USP45: variants seen among roughly 807,000 people sequenced by gnomAD.
USP45 encodes the protein ubiquitin specific peptidase 45.
USP45 carries 89 observed loss-of-function variants against 95.8 expected under a neutral mutation model. The ratio of observed to expected loss-of-function variants is 0.93; its 90% CI spans 0.78 to 1.11. The LOEUF (loss-of-function observed/expected upper bound fraction) is 1.11, where lower values mean the gene tolerates loss of function less well. USP45 is among the 50% of genes least tolerant of loss of function. The pLI is 0.00. For missense variants in USP45, 898 were observed against 942.5 expected (o/e 0.95, Z 0.62); for synonymous variants, 281 against 316.2 (o/e 0.89, Z 1.18).
At chr6:99,452,059 G>C (rs1391691948) in intron 13 of USP45, among the ~76,000 whole-genome samples, 3 of 152,072 alleles carry the variant, frequency 2.0e-5, no homozygotes, top group South Asian at 2.1e-4. Flanking sequence ...ACATGTTAGA[G>C]CTAAAACCAT....
intron 5 of USP45, among the ~76,000 whole-genome samples, chr6:99,494,714 T>A (rs939091465): frequency 1.3e-5 from 2 of 152,024 alleles, no homozygotes; most frequent in African/African-American, 4.8e-5. Context: ...GCCAACATGG[T>A]GAAACCTCGT....
intron 10 of USP45, among the ~76,000 whole-genome samples, chr6:99,467,480 C>T (rs1293094863): frequency 6.6e-6 from 1 of 151,858 alleles, no homozygotes; most frequent in African/African-American, 2.4e-5. Context: ...TTTTTTGAGC[C>T]TCTATCTTCA....
chr6:99,443,365 T>C (rs533938838), intron 15 of USP45, among the ~76,000 whole-genome samples, 200 bp downstream of exon 15: 1 of 152,326 alleles, frequency 6.6e-6, no homozygotes, highest in African/African-American at 2.4e-5. Flanking sequence ...GCTGCCTAAA[T>C]TTTCAAATAT....
At chr6:99,476,367 G>A in intron 8 of USP45, 137 bp from the exon 9 acceptor site, 1 of 776,438 alleles carries the variant, frequency 1.3e-6, no homozygotes, top group South Asian at 1.8e-5. Context: ...CCAGCATTTG[G>A]GAGGCCAAGG....
chr6:99,480,063 A>G (rs549903436), intron 8 of USP45, among the ~76,000 whole-genome samples: 2 of 152,228 alleles, frequency 1.3e-5, no homozygotes, highest in Non-Finnish European at 2.9e-5. Flanking sequence ...GTAGCAAGAA[A>G]CAAGGTCAAC....
intron 13 of USP45, chr6:99,461,787 C>G (rs1487700530): frequency 1.0e-6 from 1 of 982,206 alleles, no homozygotes; most frequent in African/African-American, 1.7e-5. Flanking sequence ...GCTTCTATTA[C>G]TGTAAGAGAT....
At chr6:99,454,607 T>A (rs542988552) in intron 13 of USP45, among the ~76,000 whole-genome samples, 1 of 152,132 alleles carries the variant, frequency 6.6e-6, no homozygotes, top group African/African-American at 2.4e-5. Context: ...AAGAGGTATA[T>A]GAAAAAAATG....
chr6:99,464,505 A>C, intron 13 of USP45, 99 bp downstream of exon 13: 1 of 1,334,276 alleles, frequency 7.5e-7, no homozygotes, highest in Non-Finnish European at 1.0e-6. Context: ...TGGGTACATG[A>C]GAGTTTATTA....
chr6:99,436,385 CTAATT>C (rs1383833699), intron 17 of USP45, among the ~76,000 whole-genome samples: 1 of 151,224 alleles, frequency 6.6e-6, no homozygotes, highest in African/African-American at 2.4e-5. Context: ...AACCCCGTCT[CTAATT>C]TAAAAAACAA....
At chr6:99,514,942 G>C (rs1187634907) in intron 1 of USP45, 1 of 152,226 alleles carries the variant, frequency 6.6e-6, no homozygotes, top group Non-Finnish European at 1.5e-5. Flanking sequence ...CCCAAAGCCA[G>C]TAAGCGGTGG....
upstream of USP45, chr6:99,515,431 C>T (rs887964357): frequency 6.6e-6 from 1 of 152,286 alleles, no homozygotes; most frequent in African/African-American, 2.4e-5. Context: ...CCTGGGGAGA[C>T]TGCGCCTGCG....
chr6:99,476,572 T>A (rs1249412104), intron 8 of USP45, among the ~76,000 whole-genome samples: 1 of 152,228 alleles, frequency 6.6e-6, no homozygotes, highest in Non-Finnish European at 1.5e-5. Flanking sequence ...AATATGGCTA[T>A]CATTTATTAA....
chr6:99,493,039 TTTTC>T (rs1224526931), intron 5 of USP45, among the ~76,000 whole-genome samples: 1 of 152,150 alleles, frequency 6.6e-6, no homozygotes, highest in Non-Finnish European at 1.5e-5. Context: ...AATTTTTTTT[TTTTC>T]TTTGAGACGG....
intron 7 of USP45, among the ~76,000 whole-genome samples, chr6:99,484,789 C>CAA (rs754506826): frequency 1.6e-4 from 14 of 88,882 alleles, no homozygotes; most frequent in Admixed American, 2.4e-4. Context: ...AGACTGTCTC[C>CAA]AAAAAAAAAA....
chr6:99,504,785 G>C (rs1205262519), intron 4 of USP45, among the ~76,000 whole-genome samples: 2 of 152,124 alleles, frequency 1.3e-5, no homozygotes, highest in African/African-American at 4.8e-5. Flanking sequence ...GAGGTGAGAG[G>C]ACCACTACTT....
At chr6:99,459,839 CT>C (rs1785988406) in intron 13 of USP45, among the ~76,000 whole-genome samples, 1 of 152,100 alleles carries the variant, frequency 6.6e-6, no homozygotes, top group Admixed American at 6.6e-5. Flanking sequence ...ATTGCCCTGT[CT>C]GCAATGTGGA....
intron 9 of USP45, among the ~76,000 whole-genome samples, chr6:99,471,767 A>T (rs1359288145): frequency 6.6e-6 from 1 of 152,194 alleles, no homozygotes; most frequent in Non-Finnish European, 1.5e-5. Context: ...TGGCAGACAT[A>T]ACACTGTAGC....
chr6:99,436,119 A>G (rs923131514), intron 17 of USP45, among the ~76,000 whole-genome samples: 9 of 151,966 alleles, frequency 5.9e-5, no homozygotes, highest in Non-Finnish European at 1.0e-4. Flanking sequence ...TGTCATCTAC[A>G]TTACGTATTT....
At chr6:99,468,292 C>T (rs532880642) in intron 10 of USP45, 11 of 522,128 alleles carry the variant, frequency 2.1e-5, no homozygotes, top group South Asian at 1.8e-4. Context: ...TAGAAGACCT[C>T]ACATAAAGGT....
Sources: gnomAD v4.1 joint callset for allele counts (sites outside exome capture counted in the v4.1 genomes callset) on GRCh38, gnomAD v4.1.1 for gene constraint, MANE v1.5 for transcripts, NCBI Gene and HGNC (gene_info 2026-07-23, HGNC 2026-07-21) for gene names.